Variants in STT3B observed in about 807,000 individuals in gnomAD.
The protein encoded by STT3B is STT3 oligosaccharyltransferase complex catalytic subunit B, also known as dolichyl-diphosphooligosaccharide--protein glycosyltransferase subunit STT3B.
STT3B carries 29 observed loss-of-function variants against 96.8 expected under a neutral mutation model. The ratio of observed to expected loss-of-function variants is 0.30; its 90% CI spans 0.22 to 0.41. STT3B has a LOEUF of 0.41. Among genes scored for constraint, STT3B ranks in the 10% least tolerant of loss-of-function variants. STT3B has a pLI of 1.00. For missense variants in STT3B, 640 were observed against 1,022.3 expected, an observed-to-expected ratio of 0.63 and a Z score of 5.10; for synonymous variants, 367 against 360.0, an observed-to-expected ratio of 1.02 and a Z score of -0.22.
chr3:31,603,110 A>C (rs906121716), intron 5 of STT3B, among the ~76,000 whole-genome samples: 11 of 152,200 alleles, frequency 7.2e-5, no homozygotes, highest in Non-Finnish European at 1.5e-4. Context: ...TAGGTAAAAA[A>C]AAATAAGGAT....
chr3:31,565,979 T>C (rs1475980704), intron 1 of STT3B, among the ~76,000 whole-genome samples: 1 of 152,200 alleles, frequency 6.6e-6, no homozygotes, highest in Non-Finnish European at 1.5e-5. Flanking sequence ...TATATAGATA[T>C]AGATCTATAG....
intron 1 of STT3B, among the ~76,000 whole-genome samples, chr3:31,560,354 T>A (rs1697845548): frequency 6.6e-6 from 1 of 152,070 alleles, no homozygotes; most frequent in Non-Finnish European, 1.5e-5. Flanking sequence ...TGCCAGTGGT[T>A]TTTATATTTT....
intron 5 of STT3B, among the ~76,000 whole-genome samples, chr3:31,607,612 G>T (rs892995317): frequency 1.3e-5 from 2 of 152,060 alleles, no homozygotes; most frequent in Non-Finnish European, 2.9e-5. Context: ...CTAGTCTCAG[G>T]TATGTCTTTA....
At chr3:31,620,681 G>T (rs77598274) in intron 9 of STT3B, among the ~76,000 whole-genome samples, 6,433 of 152,256 alleles carry the variant, frequency 0.042, 320 homozygotes, top group East Asian at 0.29. Context: ...GCTTCTACAT[G>T]ATTTAATCAC....
intron 4 of STT3B, among the ~76,000 whole-genome samples, chr3:31,599,185 C>A (rs1385261053): frequency 1.3e-5 from 2 of 151,978 alleles, no homozygotes; most frequent in African/African-American, 4.8e-5. Flanking sequence ...CTCTTTTTTT[C>A]TACACCATAG....
chr3:31,563,657 C>T (rs555101110), intron 1 of STT3B, among the ~76,000 whole-genome samples: 2 of 152,256 alleles, frequency 1.3e-5, no homozygotes, highest in East Asian at 1.9e-4. Context: ...GGGTTAAGAG[C>T]ATTCCTCTTA....
intron 3 of STT3B, among the ~76,000 whole-genome samples, chr3:31,587,279 C>T (rs963628251): frequency 2.8e-4 from 42 of 152,100 alleles, no homozygotes; most frequent in Non-Finnish European, 8.8e-5. Flanking sequence ...AAGCCTCGCC[C>T]ATGATCAGTG....
Position 31,617,996 on chromosome 3 carries a change from C to T in STT3B, c.1172+8C>T. 1 of 1,570,858 alleles carries T rather than the reference C, an allele frequency of 6.4e-7. No homozygotes were observed. The highest frequency in any genetic ancestry group is 1.1e-5 in the South Asian group (1 of 89,928). On this transcript the variant is annotated splice_region_variant and intron_variant, in intron 8 of 15. Coordinates refer to ENST00000295770, the MANE Select transcript of STT3B (RefSeq NM_178862.3). The stretch of plus-strand genomic sequence containing the variant: ...TTCATTGTGGGATACTGGGTAAGTA[C>T]AGTTACATTATTTGGCATCATATTT...
chr3:31,572,452 A>G (rs1698181574), intron 1 of STT3B, among the ~76,000 whole-genome samples: 1 of 152,088 alleles, frequency 6.6e-6, no homozygotes, highest in Non-Finnish European at 1.5e-5. Flanking sequence ...CATGGTTGGC[A>G]TCATTGCAGC....
chr3:31,595,097 G>A (rs1013082694), intron 3 of STT3B, among the ~76,000 whole-genome samples: 3 of 152,142 alleles, frequency 2.0e-5, no homozygotes, highest in Non-Finnish European at 4.4e-5. Flanking sequence ...CCTAAACCCA[G>A]CAAAGTCTAT....
Position 31,629,355 on chromosome 3 carries a change from A to G in STT3B, c.2131A>G (p.Thr711Ala). The stretch of plus-strand genomic sequence containing the variant: ...CCGTGTAGACAAAGCAGGATCCCCT[A>G]CTTTGTTGAATTGCCTTATGTATAA... ...EFRVDKAGSP[T>A]LLNCLMYKMS... The change falls in exon 14 of 16, where the codon ACT becomes GCT. Residue 711 changes from threonine (T) to alanine (A), a missense_variant. Transcript: ENST00000295770. 6.2e-7 allele frequency: 1 copy of G among 1,611,148 alleles called. No homozygotes were observed. The highest frequency in any genetic ancestry group is 1.1e-5 in the South Asian group (1 of 90,424).
chr3:31,625,651 G>A (rs1037030416), intron 12 of STT3B, among the ~76,000 whole-genome samples: 7 of 152,214 alleles, frequency 4.6e-5, no homozygotes, highest in Admixed American at 1.3e-4. Flanking sequence ...CTGGCCTGCG[G>A]TTGTGAGAAG....
rs1270680856 is a variant in STT3B, at chr3:31,624,922, A to G, written c.1736A>G (p.Asn579Ser). The change falls in exon 12 of 16, where the codon AAT becomes AGT. Residue 579 changes from asparagine to serine, a missense_variant. This residue lies in a region of STT3B where 149 missense variants were observed against 250.2 expected (regional missense o/e 0.60). Coordinates refer to ENST00000295770, the MANE Select transcript of STT3B (RefSeq NM_178862.3). The part of the protein sequence containing the change: ...LASYNHDGTR[N>S]ILDDFREAYF... ...ATTGTGATTCTTTTCAGCACCAGGA[A>G]TATCTTAGATGATTTTAGAGAAGCT... 7 of 1,611,400 alleles carry G rather than the reference A, an allele frequency of 4.3e-6. No homozygotes were observed. Among genetic ancestry groups the G allele is most frequent in the Non-Finnish European group, 5.9e-6 (7 of 1,178,446 alleles).
intron 15 of STT3B, among the ~76,000 whole-genome samples, chr3:31,634,914 T>G (rs1166606484): frequency 6.6e-6 from 1 of 152,168 alleles, no homozygotes; most frequent in African/African-American, 2.4e-5. Flanking sequence ...ATAACATCAG[T>G]TTAACAATAA....
chr3:31,630,545 A>T (rs1425795096), intron 14 of STT3B, among the ~76,000 whole-genome samples: 1 of 152,192 alleles, frequency 6.6e-6, no homozygotes, highest in African/African-American at 2.4e-5. Context: ...ACGTCTTAAT[A>T]AATTTGTTTT....
intron 1 of STT3B, among the ~76,000 whole-genome samples, chr3:31,561,517 C>T (rs886327165): frequency 2.6e-5 from 4 of 152,176 alleles, no homozygotes; most frequent in East Asian, 3.9e-4. Flanking sequence ...CTTATTCATT[C>T]GTGCTGGAAT....
intron 1 of STT3B, among the ~76,000 whole-genome samples, chr3:31,568,114 C>G (rs148691870): frequency 2.0e-4 from 31 of 152,150 alleles, no homozygotes; most frequent in African/African-American, 7.0e-4. Flanking sequence ...TAAAATTCGT[C>G]CTTCCATGCC....
chr3:31,589,997 T>C (rs1434598531), intron 3 of STT3B, among the ~76,000 whole-genome samples: 3 of 151,990 alleles, frequency 2.0e-5, no homozygotes, highest in Admixed American at 1.3e-4. Flanking sequence ...CCAGGGAAGA[T>C]TTTTAATATG....
intron 1 of STT3B, among the ~76,000 whole-genome samples, chr3:31,537,865 A>G (rs1697141245): frequency 6.6e-6 from 1 of 152,120 alleles, no homozygotes; most frequent in Non-Finnish European, 1.5e-5. Flanking sequence ...ATTTATCTTT[A>G]TTGTTATATC....
Sources: allele counts gnomAD v4.1 joint callset (sites outside exome capture counted in the v4.1 genomes callset), GRCh38; gene constraint gnomAD v4.1.1; regional missense constraint gnomAD v4.1.1; transcripts MANE v1.5; gene names NCBI Gene and HGNC (gene_info 2026-07-23, HGNC 2026-07-21).